The following ZNF385B variants were observed in gnomAD, a reference collection of about 807,000 sequenced individuals.
ZNF385B encodes zinc finger protein 385B, also known as zinc finger protein 533.
Under a neutral mutation model 39.2 loss-of-function variants are expected in ZNF385B, and 23 were observed. The ratio of observed to expected loss-of-function variants is 0.59; its 90% confidence interval spans 0.42 to 0.83. ZNF385B has a LOEUF of 0.83. Among genes scored for constraint, ZNF385B ranks in the 40% least tolerant of loss-of-function variants. The probability of loss-of-function intolerance (pLI) is 0.00; values close to 1 mark genes in which losing one functional copy is unlikely to be tolerated. For synonymous variants in ZNF385B, 205 were observed against 222.6 expected, an observed-to-expected ratio of 0.92 and a Z score of 0.70; for missense variants, 552 against 598.9, an observed-to-expected ratio of 0.92 and a Z score of 0.82.
chr2:179,606,126 A>G (rs1054349179), intron 3 of ZNF385B, among the ~76,000 whole-genome samples: 1 of 152,204 alleles, frequency 6.6e-6, no homozygotes, highest in African/African-American at 2.4e-5. Context: ...ATATCTGTTA[A>G]CATTTACACA....
intron 3 of ZNF385B, among the ~76,000 whole-genome samples, chr2:179,759,887 A>G (rs1230555613): frequency 6.6e-6 from 1 of 152,056 alleles, no homozygotes; most frequent in Admixed American, 6.6e-5. Flanking sequence ...TCTGTTTCCT[A>G]TTATCTCTAA....
chr2:179,488,953 G>C (rs1464739298), intron 5 of ZNF385B, among the ~76,000 whole-genome samples: 1 of 152,168 alleles, frequency 6.6e-6, no homozygotes, highest in Non-Finnish European at 1.5e-5. Flanking sequence ...TTGCCAGAAT[G>C]GTGGTTGGAA....
chr2:179,510,008 T>C (rs2057542001), intron 5 of ZNF385B, among the ~76,000 whole-genome samples: 1 of 152,220 alleles, frequency 6.6e-6, no homozygotes. Context: ...GGCTACTATT[T>C]GCATGGGTGA....
chr2:179,740,724 A>G (rs1461719396), intron 3 of ZNF385B, among the ~76,000 whole-genome samples: 1 of 152,196 alleles, frequency 6.6e-6, no homozygotes, highest in African/African-American at 2.4e-5. Flanking sequence ...AAAAGGGATC[A>G]GAATCTTTTC....
At chr2:179,558,139 CCTT>C (rs892321275) in intron 3 of ZNF385B, among the ~76,000 whole-genome samples, 3 of 152,198 alleles carry the variant, frequency 2.0e-5, no homozygotes, top group Non-Finnish European at 1.5e-5. Context: ...TGGCAACTGA[CCTT>C]CTATTTGAGA....
chr2:179,799,261 T>C (rs1002797580), intron 1 of ZNF385B, among the ~76,000 whole-genome samples: 2 of 152,062 alleles, frequency 1.3e-5, no homozygotes, highest in Admixed American at 6.6e-5. Flanking sequence ...TATCCATTGA[T>C]GATTAGTTTT....
rs114074475 is a variant in ZNF385B at position 179,780,102 on chromosome 2, C to T, written c.-154-9430G>A. ...GGGCAGCCAATGTTGAGAACCACTG[C>T]GCTAAAGATTGCCGCTATTTGAGAG... is the stretch of plus-strand genomic sequence containing the variant. On this transcript the variant is annotated intron_variant, in intron 1 of 9. Transcript: ENST00000410066. Among the ~76,000 whole-genome samples, 581 of 152,102 alleles carry T rather than the reference C, an allele frequency of 3.8e-3. 7 individuals are homozygous for T. The highest frequency in any genetic ancestry group is 0.013 in the African/African-American group (559 of 41,498).
rs112998169 is a variant in ZNF385B at position 179,646,826 on chromosome 2, T to C, written c.299-101857A>G. On this transcript the variant is annotated intron_variant, in intron 3 of 9. Coordinates refer to ENST00000410066, the MANE Select transcript of ZNF385B (RefSeq NM_152520.6). ...GAATTTGCTTAAAATGGCAAGAGTGTCCTACTCTGGGGAAAATTTTCTGTG... is the reference window on the plus strand; with the variant it reads ...GAATTTGCTTAAAATGGCAAGAGTGCCCTACTCTGGGGAAAATTTTCTGTG... Among the ~76,000 whole-genome samples the C allele has an allele frequency of 6.1e-3, 923 of 152,326 alleles. 7 individuals carry two copies. Among genetic ancestry groups the C allele is most frequent in the Non-Finnish European group, 0.01 (713 of 68,022 alleles).
At chr2:179,747,907 A>G (rs920406010) in intron 3 of ZNF385B, among the ~76,000 whole-genome samples, 16 of 152,146 alleles carry the variant, frequency 1.1e-4, no homozygotes, top group African/African-American at 3.9e-4. Flanking sequence ...ATTGGGATAA[A>G]TAAATGCTAT....
At chr2:179,569,760 T>TAGC in intron 3 of ZNF385B, among the ~76,000 whole-genome samples, 1 of 152,318 alleles carries the variant, frequency 6.6e-6, no homozygotes, top group Non-Finnish European at 1.5e-5. Context: ...TATTGGCTTA[T>TAGC]AGCACCAAGG....
intron 3 of ZNF385B, chr2:179,584,108 C>A: frequency 4.4e-6 from 2 of 457,692 alleles, no homozygotes; most frequent in Non-Finnish European, 4.4e-6. Flanking sequence ...TACATTAGAG[C>A]AGAGTTTTTC....
At position 179,728,196 on chromosome 2, in the gene ZNF385B, T is replaced by C. The variant is rs145929380; in HGVS notation, c.298+41307A>G. ...AATAATCTCCATATAATCCTTTGTG[T>C]TCTTAGAACAGCTAATTCTGGAGAA... On this transcript the variant is annotated intron_variant, in intron 3 of 9. Coordinates refer to ENST00000410066, the MANE Select transcript of ZNF385B (RefSeq NM_152520.6). Among the ~76,000 whole-genome samples, 1,032 of 152,280 alleles carry C rather than the reference T, an allele frequency of 6.8e-3. 11 individuals are homozygous for C. Among genetic ancestry groups the C allele is most frequent in the African/African-American group, 0.021 (879 of 41,574 alleles).
chr2:179,776,533 TA>T (rs1334746538), intron 1 of ZNF385B, among the ~76,000 whole-genome samples: 1 of 152,146 alleles, frequency 6.6e-6, no homozygotes, highest in Non-Finnish European at 1.5e-5. Flanking sequence ...CCGCACCTTT[TA>T]AAAAAATCTT....
intron 4 of ZNF385B, among the ~76,000 whole-genome samples, chr2:179,522,204 G>A (rs185578924): frequency 1.3e-5 from 2 of 152,318 alleles, no homozygotes; most frequent in African/African-American, 4.8e-5. Flanking sequence ...AAATGTGACA[G>A]TAATGAAGAG....
intron 5 of ZNF385B, among the ~76,000 whole-genome samples, chr2:179,493,628 C>T (rs772830859): frequency 9.7e-4 from 100 of 103,396 alleles, no homozygotes; most frequent in Non-Finnish European, 4.0e-4. Context: ...TATATGTATA[C>T]GCATATGTAT....
chr2:179,632,975 C>T (rs1026082068), intron 3 of ZNF385B, among the ~76,000 whole-genome samples: 8 of 152,146 alleles, frequency 5.3e-5, no homozygotes, highest in South Asian at 2.1e-4. Context: ...AATTCCTGGA[C>T]GCATAGACCC....
At chr2:179,450,251 T>A (rs2049962531) in intron 6 of ZNF385B, among the ~76,000 whole-genome samples, 2 of 151,972 alleles carry the variant, frequency 1.3e-5, no homozygotes, top group African/African-American at 4.8e-5. Flanking sequence ...AATTGACAAA[T>A]GGGATCTAAT....
chr2:179,674,369 T>C lies in ZNF385B; in HGVS notation c.298+95134A>G, dbSNP rs972031722. On this transcript the variant is annotated intron_variant, in intron 3 of 9. Transcript: ENST00000410066. Reference sequence around the variant, plus strand: ...CTGTAGTAAAAATACATTGGCTTTATGACCTTTTAAAATAATATTTAATTT... The same window carrying C: ...CTGTAGTAAAAATACATTGGCTTTACGACCTTTTAAAATAATATTTAATTT... 3.9e-5 allele frequency among the ~76,000 whole-genome samples: 6 copies of C among 152,230 alleles called. No homozygotes were observed. In the East Asian group the frequency reaches 1.2e-3, roughly 29 times the overall value.
intron 6 of ZNF385B, among the ~76,000 whole-genome samples, chr2:179,452,627 TTTTA>T (rs1251377432): frequency 6.6e-6 from 1 of 152,182 alleles, no homozygotes; most frequent in African/African-American, 2.4e-5. Flanking sequence ...TTGAGTTTAA[TTTTA>T]TTTATGTAAT....
Sources: allele counts gnomAD v4.1 joint callset (sites outside exome capture counted in the v4.1 genomes callset), GRCh38; gene constraint gnomAD v4.1.1; transcripts MANE v1.5; gene names NCBI Gene and HGNC (gene_info 2026-07-23, HGNC 2026-07-21).